Variants in SUSD6 observed in about 807,000 individuals in gnomAD.
The protein encoded by SUSD6 is sushi domain containing 6.
SUSD6 carries 16 observed loss-of-function variants against 28.4 expected under a neutral mutation model. That is an observed-to-expected ratio of 0.56 (90% CI 0.38 to 0.86). SUSD6 has a LOEUF of 0.86. Among genes scored for constraint, SUSD6 ranks in the 40% least tolerant of loss-of-function variants. SUSD6 has a pLI of 0.00. For synonymous variants in SUSD6, 147 were observed against 159.6 expected (o/e 0.92, Z 0.59); for missense variants, 341 against 384.2 (o/e 0.89, Z 0.94).
At chr14:69,707,281 A>G (rs571126262) in intron 4 of SUSD6, among the ~76,000 whole-genome samples, 3 of 152,308 alleles carry the variant, frequency 2.0e-5, no homozygotes, top group African/African-American at 7.2e-5. Context: ...GTTAAATAAC[A>G]TCTTCACCTT....
intron 2 of SUSD6, among the ~76,000 whole-genome samples, chr14:69,680,129 TC>T (rs1414841384): frequency 6.6e-6 from 1 of 152,190 alleles, no homozygotes; most frequent in Non-Finnish European, 1.5e-5. Context: ...ATCCTTGGGT[TC>T]ACTGGTTTTG....
Position 69,708,729 on chromosome 14 carries a change from C to A in SUSD6, c.511C>A (p.Gln171Lys). 6.2e-7 allele frequency: 1 copy of A among 1,610,902 alleles called. No individual in the cohort carries two copies. The highest frequency in any genetic ancestry group is 1.7e-5 in the Admixed American group (1 of 59,598). ...DQVSIMVDGV[Q>K]VALPSYEEAV... Reference sequence around the variant, plus strand: ...GGTCTCCATCATGGTGGATGGAGTCCAGGTTGCACTACCATCATACGAGGA... The same window carrying A: ...GGTCTCCATCATGGTGGATGGAGTCAAGGTTGCACTACCATCATACGAGGA... Residue 171 changes from glutamine (Q) to lysine (K), a missense_variant, in exon 5 of 6, where the codon CAG becomes AAG. Physicochemically the swap from Gln to Lys is moderately conservative, Grantham distance 53. Transcript: ENST00000342745.
chr14:69,658,739 G>A, intron 2 of SUSD6, 26 bp downstream of exon 2: 2 of 1,613,752 alleles, frequency 1.2e-6, no homozygotes, highest in Non-Finnish European at 1.7e-6. Flanking sequence ...CCTTCTGTGT[G>A]TGGGTGGGAA....
At chr14:69,689,704 T>G (rs554073059) in intron 2 of SUSD6, among the ~76,000 whole-genome samples, 1 of 152,356 alleles carries the variant, frequency 6.6e-6, no homozygotes, top group Admixed American at 6.5e-5. Flanking sequence ...AGTCTCGCTC[T>G]CACCAGGCTG....
chr14:69,629,564 C>G (rs1295273577), intron 1 of SUSD6, among the ~76,000 whole-genome samples: 1 of 152,206 alleles, frequency 6.6e-6, no homozygotes, highest in Admixed American at 6.5e-5. Flanking sequence ...TCTGCTGTTT[C>G]CCTCTGAGTG....
chr14:69,637,069 G>A (rs1885275369), intron 1 of SUSD6, among the ~76,000 whole-genome samples: 1 of 152,158 alleles, frequency 6.6e-6, no homozygotes, highest in Non-Finnish European at 1.5e-5. Context: ...ACCAAAGTTA[G>A]CAAAGGCTGG....
intron 1 of SUSD6, among the ~76,000 whole-genome samples, chr14:69,640,073 G>T (rs151246032): frequency 3.4e-5 from 5 of 147,762 alleles, no homozygotes; most frequent in African/African-American, 5.0e-5. Flanking sequence ...ATAGTTTAGT[G>T]GGGGAGGGAG....
rs537461675 is a variant in SUSD6, at chr14:69,650,478, C to T, written c.-80-8035C>T. ...TGGCCTCCCTGAGAGATACATAGTT[C>T]AAGTGTTCTGTTTTACTGATGAGAA... On this transcript the variant is annotated intron_variant, in intron 1 of 5. Transcript: ENST00000342745. Among the ~76,000 whole-genome samples, 8 of 152,216 alleles carry T rather than the reference C, an allele frequency of 5.3e-5. No homozygotes were observed. In the South Asian group the frequency reaches 1.7e-3, roughly 32 times the overall value.
intron 2 of SUSD6, among the ~76,000 whole-genome samples, chr14:69,683,037 A>G (rs1249113363): frequency 7.5e-6 from 1 of 134,046 alleles, no homozygotes; most frequent in Non-Finnish European, 1.5e-5. Context: ...AATATACTGT[A>G]CCTCCTGTTT....
intron 2 of SUSD6, among the ~76,000 whole-genome samples, chr14:69,682,929 T>C (rs1886018124): frequency 6.6e-6 from 1 of 150,814 alleles, no homozygotes; most frequent in Non-Finnish European, 1.5e-5. Context: ...AGGGAAGCTG[T>C]TCTGTTTTCC....
intron 1 of SUSD6, among the ~76,000 whole-genome samples, chr14:69,622,069 A>G (rs1030229002): frequency 2.0e-5 from 3 of 152,332 alleles, no homozygotes; most frequent in African/African-American, 7.2e-5. Context: ...GCTCTTTCCT[A>G]TATACTAATT....
At chr14:69,705,320 TA>T (rs879849783) in intron 4 of SUSD6, among the ~76,000 whole-genome samples, 37 of 134,966 alleles carry the variant, frequency 2.7e-4, no homozygotes, top group Admixed American at 3.7e-4. Flanking sequence ...TCTGTCCCAT[TA>T]AAAAAAAAAA....
chr14:69,711,448 C>CAG lies in SUSD6; in HGVS notation c.*469_*470insAG. On this transcript the variant is annotated 3_prime_UTR_variant, in exon 6 of 6. Transcript: ENST00000342745. ...CTGCTGCCCCCTGCCACACAGGGGGCCGGGCCTGGGTCTGTCCTGTTTCCT... is the reference window on the plus strand; with the variant it reads ...CTGCTGCCCCCTGCCACACAGGGGGCAGCGGGCCTGGGTCTGTCCTGTTTCCT... 1 of 168,818 alleles carries CAG rather than the reference C, an allele frequency of 5.9e-6. No homozygotes were observed. The highest frequency in any genetic ancestry group is 1.3e-5 in the Non-Finnish European group (1 of 77,794). The allele number at this position is 168,818 out of a possible 1,614,324, so 10.5% of individuals were successfully genotyped here.
chr14:69,658,455 G>A, intron 1 of SUSD6, 58 bp from the exon 2 acceptor site: 1 of 836,910 alleles, frequency 1.2e-6, no homozygotes, highest in Non-Finnish European at 1.8e-6. Context: ...CAAAGTGGCT[G>A]CTTTTAACTA....
intron 1 of SUSD6, among the ~76,000 whole-genome samples, chr14:69,614,722 G>C (rs1038272510): frequency 6.6e-6 from 1 of 152,106 alleles, no homozygotes; most frequent in Non-Finnish European, 1.5e-5. Context: ...AAAATAGTGA[G>C]GTACATACTC....
chr14:69,614,595 C>T (rs1317627984), intron 1 of SUSD6, among the ~76,000 whole-genome samples: 2 of 152,230 alleles, frequency 1.3e-5, no homozygotes, highest in African/African-American at 2.4e-5. Context: ...CACATAAAAA[C>T]TTGGCTTTTG....
At chr14:69,614,912 A>T (rs1884936875) in intron 1 of SUSD6, among the ~76,000 whole-genome samples, 1 of 152,202 alleles carries the variant, frequency 6.6e-6, no homozygotes, top group Non-Finnish European at 1.5e-5. Flanking sequence ...CAGGTTGTGT[A>T]ATTGCCATAC....
chr14:69,633,669 T>A (rs1051933149), intron 1 of SUSD6, among the ~76,000 whole-genome samples: 1 of 152,364 alleles, frequency 6.6e-6, no homozygotes, highest in Non-Finnish European at 1.5e-5. Context: ...ATCTCACTGG[T>A]TAGCATTTTA....
chr14:69,618,907 A>G (rs1361418146), intron 1 of SUSD6, among the ~76,000 whole-genome samples: 2 of 152,186 alleles, frequency 1.3e-5, no homozygotes, highest in East Asian at 3.9e-4. Context: ...AGCACAACAA[A>G]GTATATGAAG....
Sources: allele counts gnomAD v4.1 joint callset (sites outside exome capture counted in the v4.1 genomes callset), GRCh38; gene constraint gnomAD v4.1.1; transcripts MANE v1.5; gene names NCBI Gene and HGNC (gene_info 2026-07-23, HGNC 2026-07-21).